ZFHX3: variants seen among roughly 807,000 people sequenced by gnomAD.
ZFHX3 encodes the protein zinc finger homeobox protein 3.
A neutral mutation model predicts 279.1 loss-of-function variants in ZFHX3; 42 were observed. The observed-to-expected ratio is 0.15, with a 90% CI of 0.12 to 0.19. ZFHX3 has a LOEUF of 0.19. ZFHX3 is among the 10% of genes least tolerant of loss of function. The pLI is 1.00. For synonymous variants in ZFHX3, 2,293 were observed against 1,957.8 expected (o/e 1.17, Z -4.52); for missense variants, 4,981 against 4,754.0 (o/e 1.05, Z -1.40).
intron 2 of ZFHX3, among the ~76,000 whole-genome samples, chr16:73,665,020 G>C (rs148223631): frequency 2.0e-5 from 3 of 152,164 alleles, no homozygotes; most frequent in Non-Finnish European, 4.4e-5. Flanking sequence ...TATTGTGTTA[G>C]TGCCTCTTGT....
chr16:73,021,369 T>C (rs1964291627), intron 1 of ZFHX3, among the ~76,000 whole-genome samples: 2 of 152,132 alleles, frequency 1.3e-5, no homozygotes, highest in Non-Finnish European at 2.9e-5. Flanking sequence ...TTGTCCCATA[T>C]CTCCCTTCAA....
At chr16:73,089,682 A>AC (rs1166213943) in intron 8 of ZFHX3, among the ~76,000 whole-genome samples, 1 of 152,216 alleles carries the variant, frequency 6.6e-6, no homozygotes, top group Non-Finnish European at 1.5e-5. Flanking sequence ...GGATGAATGT[A>AC]CCAGGGAAGG....
At chr16:73,523,941 A>C (rs1175594402) in intron 2 of ZFHX3, among the ~76,000 whole-genome samples, 1 of 152,218 alleles carries the variant, frequency 6.6e-6, no homozygotes, top group Non-Finnish European at 1.5e-5. Context: ...AGCAAATGAA[A>C]GTTTCAAAAT....
intron 1 of ZFHX3, among the ~76,000 whole-genome samples, chr16:73,722,231 T>C (rs1466824626): frequency 6.6e-6 from 1 of 152,206 alleles, no homozygotes; most frequent in Non-Finnish European, 1.5e-5. Flanking sequence ...AGTAGGCACT[T>C]CTGTTCTGGA....
chr16:73,458,023 C>G (rs1247283973), intron 2 of ZFHX3, among the ~76,000 whole-genome samples: 1 of 152,148 alleles, frequency 6.6e-6, no homozygotes, highest in Non-Finnish European at 1.5e-5. Flanking sequence ...CAGGAAGGCA[C>G]TTGAACCATT....
intron 3 of ZFHX3, among the ~76,000 whole-genome samples, chr16:72,910,953 T>G (rs1042877060): frequency 2.0e-5 from 3 of 152,192 alleles, no homozygotes; most frequent in African/African-American, 7.2e-5. Context: ...TTGCAATCCC[T>G]GGGTCCGAAT....
At chr16:73,329,217 T>C (rs986966554) in intron 3 of ZFHX3, among the ~76,000 whole-genome samples, 4 of 152,244 alleles carry the variant, frequency 2.6e-5, no homozygotes, top group Admixed American at 6.5e-5. Flanking sequence ...TGGTGTTTCA[T>C]TGTGGATTCC....
chr16:73,623,163 A>C (rs1187888105), intron 2 of ZFHX3, among the ~76,000 whole-genome samples: 1 of 151,876 alleles, frequency 6.6e-6, no homozygotes, highest in Non-Finnish European at 1.5e-5. Flanking sequence ...CAGCCTCTCG[A>C]GTTGCTGGGA....
At chr16:72,987,560 T>A (rs561989142) in intron 1 of ZFHX3, among the ~76,000 whole-genome samples, 66 of 152,298 alleles carry the variant, frequency 4.3e-4, no homozygotes, top group African/African-American at 1.5e-3. Context: ...TGTGTACACA[T>A]GTATGCTTCA....
At chr16:73,004,158 A>ATTTTTTTTTTT (rs1567627941) in intron 1 of ZFHX3, among the ~76,000 whole-genome samples, 5 of 51,308 alleles carry the variant, frequency 9.7e-5, no homozygotes, top group African/African-American at 2.2e-4. Flanking sequence ...TAAAAACACG[A>ATTTTTTTTTTT]CTTTTTTTTT....
chr16:72,887,806 G>C (rs1456675067), intron 4 of ZFHX3, among the ~76,000 whole-genome samples: 1 of 151,986 alleles, frequency 6.6e-6, no homozygotes, highest in Non-Finnish European at 1.5e-5. Context: ...TGTGGGTATG[G>C]TGTCTTGTCT....
At chr16:73,818,778 T>C (rs1364225799) in intron 1 of ZFHX3, among the ~76,000 whole-genome samples, 1 of 152,176 alleles carries the variant, frequency 6.6e-6, no homozygotes, top group Non-Finnish European at 1.5e-5. Context: ...CAAACTTAAA[T>C]TGCTCACAGT....
intron 5 of ZFHX3, among the ~76,000 whole-genome samples, chr16:73,195,948 A>G (rs1410083898): frequency 6.6e-6 from 1 of 152,162 alleles, no homozygotes; most frequent in African/African-American, 2.4e-5. Context: ...TACCATCTTT[A>G]TACGTGTATA....
At chr16:73,601,469 CAAAA>C (rs67967322) in intron 2 of ZFHX3, among the ~76,000 whole-genome samples, 1 of 131,688 alleles carries the variant, frequency 7.6e-6, no homozygotes, top group Non-Finnish European at 1.6e-5. Flanking sequence ...GACTCCATCT[CAAAA>C]AAAAAAAAAA....
chr16:73,775,971 T>C (rs13338214), intron 1 of ZFHX3, among the ~76,000 whole-genome samples: 25,428 of 152,088 alleles, frequency 0.17, 2,644 homozygotes, highest in East Asian at 0.47. Flanking sequence ...ATATTTCAAA[T>C]AACCTAAACC....
intron 3 of ZFHX3, among the ~76,000 whole-genome samples, chr16:72,896,494 C>A (rs146797129): frequency 1.1e-4 from 17 of 152,282 alleles, no homozygotes; most frequent in African/African-American, 2.9e-4. Flanking sequence ...GCAAACTAAT[C>A]ATTTTAAAAG....
At chr16:73,222,316 A>G (rs1310204118) in intron 5 of ZFHX3, among the ~76,000 whole-genome samples, 1 of 152,098 alleles carries the variant, frequency 6.6e-6, no homozygotes, top group African/African-American at 2.4e-5. Flanking sequence ...TATGTAGGAA[A>G]TCTGAAAAAA....
rs181241177 is a variant in ZFHX3, at chr16:73,299,808, T to C, written c.-1194+18432A>G. 8.6e-3 allele frequency among the ~76,000 whole-genome samples: 1,306 copies of C among 152,318 alleles called. 19 individuals carry two copies. Among genetic ancestry groups the C allele is most frequent in the Non-Finnish European group, 0.013 (885 of 68,028 alleles). ...AAACAAAAGGTAATGAGAAGCATGC[T>C]ATATGCTTCTAAGTCAATTCTCCAC... On this transcript the variant is annotated intron_variant, in intron 4 of 17. Coordinates refer to the ZFHX3 transcript ENST00000641206.
In ZFHX3 at chr16:72,951,837, T is replaced by C. The variant is rs1334992598; in HGVS notation, c.2720-872A>G. ...GCAGTCACTGGCTACCTGTGACTAA[T>C]AAATACCTGAAATATGGGTAGTGCA... On this transcript the variant is annotated intron_variant, in intron 2 of 9. Coordinates refer to ENST00000268489, the MANE Select transcript of ZFHX3 (RefSeq NM_006885.4). 5.3e-5 allele frequency among the ~76,000 whole-genome samples: 8 copies of C among 152,238 alleles called. No homozygotes were observed. In the East Asian group the frequency reaches 1.5e-3, roughly 29 times the overall value.
Sources: gnomAD v4.1 joint callset for allele counts (sites outside exome capture counted in the v4.1 genomes callset) on GRCh38, gnomAD v4.1.1 for gene constraint, MANE v1.5 for transcripts, NCBI Gene and HGNC (gene_info 2026-07-23, HGNC 2026-07-21) for gene names.